The following NBAS variants were observed in gnomAD, a reference collection of about 807,000 sequenced individuals.
NBAS encodes the protein NAG/BC035112 fusion.
A neutral mutation model predicts 302.5 loss-of-function variants in NBAS; 219 were observed. The ratio of observed to expected loss-of-function variants is 0.72; its 90% CI spans 0.65 to 0.81. The LOEUF (loss-of-function observed/expected upper bound fraction) is 0.81, where lower values mean the gene tolerates loss of function less well. Ranked by LOEUF, NBAS falls within the 30% of genes least tolerant of loss-of-function variation. NBAS has a pLI of 0.00. For synonymous variants in NBAS, 1,118 were observed against 1,021.6 expected (o/e 1.09, Z -1.80); for missense variants, 2,932 against 2,841.6 (o/e 1.03, Z -0.72).
chr2:15,254,733 T>C (rs577260745), intron 44 of NBAS, among the ~76,000 whole-genome samples: 1 of 152,324 alleles, frequency 6.6e-6, no homozygotes, highest in Non-Finnish European at 1.5e-5. Flanking sequence ...GTGTATTATG[T>C]CATTCTTATG....
chr2:15,425,093 T>C (rs925740528), intron 22 of NBAS, among the ~76,000 whole-genome samples: 2 of 151,964 alleles, frequency 1.3e-5, no homozygotes, highest in East Asian at 1.9e-4. Flanking sequence ...GCTAACCTCG[T>C]GGGGATTGCT....
At chr2:15,187,202 G>C (rs1665129553) in intron 49 of NBAS, among the ~76,000 whole-genome samples, 1 of 152,076 alleles carries the variant, frequency 6.6e-6, no homozygotes, top group Non-Finnish European at 1.5e-5. Context: ...CTAGTTGTAT[G>C]GTTCTGGGGA....
chr2:15,241,994 A>G (rs1252189854), intron 44 of NBAS, among the ~76,000 whole-genome samples: 1 of 152,052 alleles, frequency 6.6e-6, no homozygotes, highest in Non-Finnish European at 1.5e-5. Context: ...TCTTTTTTGC[A>G]AGGCAAATTC....
At chr2:14,912,100 G>A in the NBAS span, among the ~76,000 whole-genome samples, 2 of 152,082 alleles carry the variant, frequency 1.3e-5, no homozygotes, top group African/African-American at 2.4e-5. Context: ...AATACTGTAG[G>A]CAATTATAAC....
chr2:15,430,476 A>G (rs542618166), intron 21 of NBAS, among the ~76,000 whole-genome samples: 6 of 152,320 alleles, frequency 3.9e-5, no homozygotes, highest in East Asian at 1.9e-4. Flanking sequence ...CTGATCTCCT[A>G]CTATGGACTA....
the NBAS span, among the ~76,000 whole-genome samples, chr2:14,803,639 G>GTTGT: frequency 0.012 from 1,839 of 151,932 alleles, 29 homozygotes; most frequent in African/African-American, 0.036. Context: ...TCTTTTTGTT[G>GTTGT]TTGTTTGTTT....
At chr2:15,335,739 T>C (rs1236071526) in intron 35 of NBAS, among the ~76,000 whole-genome samples, 1 of 152,218 alleles carries the variant, frequency 6.6e-6, no homozygotes. Flanking sequence ...CCTTATTAGA[T>C]ACATGAATTG....
At chr2:15,025,247 C>A in the NBAS span, among the ~76,000 whole-genome samples, 9 of 152,066 alleles carry the variant, frequency 5.9e-5, no homozygotes, top group African/African-American at 1.9e-4. Flanking sequence ...CTTGTTTTTG[C>A]CAGCTTTATC....
the NBAS span, among the ~76,000 whole-genome samples, chr2:15,059,974 A>C: frequency 5.4e-3 from 239 of 44,260 alleles, 4 homozygotes; most frequent in African/African-American, 0.064. Flanking sequence ...CAAAAAAAAA[A>C]ACAAAAAAAA....
chr2:14,984,565 AG>A, the NBAS span, among the ~76,000 whole-genome samples: 1 of 152,230 alleles, frequency 6.6e-6, no homozygotes, highest in African/African-American at 2.4e-5. Flanking sequence ...TTAGAGGTAT[AG>A]AATGCATCTC....
the NBAS span, among the ~76,000 whole-genome samples, chr2:15,104,421 T>C: frequency 6.6e-6 from 1 of 152,166 alleles, no homozygotes; most frequent in Non-Finnish European, 1.5e-5. Context: ...AGCACTCTTC[T>C]AGGCTCTGGA....
chr2:15,555,479 G>A (rs1381522920), intron 3 of NBAS, among the ~76,000 whole-genome samples: 2 of 151,994 alleles, frequency 1.3e-5, no homozygotes, highest in South Asian at 2.1e-4. Context: ...AACAAAAAGA[G>A]CTAGCTGATA....
chr2:15,203,193 T>G (rs548031488), intron 48 of NBAS, among the ~76,000 whole-genome samples: 73 of 152,258 alleles, frequency 4.8e-4, no homozygotes, highest in African/African-American at 1.6e-3. Flanking sequence ...ACTGAGCATC[T>G]ATGGTAGCTA....
At chr2:15,432,321 TTACAAAATAA>T (rs1176714529) in intron 21 of NBAS, among the ~76,000 whole-genome samples, 21 of 152,218 alleles carry the variant, frequency 1.4e-4, no homozygotes, top group African/African-American at 4.8e-4. Context: ...AATTATCTCT[TTACAAAATAA>T]TGGCTGCTTT....
At chr2:14,851,003 C>T in the NBAS span, among the ~76,000 whole-genome samples, 1 of 128,408 alleles carries the variant, frequency 7.8e-6, no homozygotes, top group Non-Finnish European at 1.6e-5. Flanking sequence ...GACACCCTAA[C>T]ATCACAATTA....
chr2:15,305,449 GTTTTTTTTT>G (rs35136896), intron 40 of NBAS, among the ~76,000 whole-genome samples: 111 of 123,776 alleles, frequency 9.0e-4, no homozygotes, highest in Admixed American at 1.8e-3. Context: ...GTCTCGAGCA[GTTTTTTTTT>G]TTTTTTTTTT....
At chr2:15,027,528 T>C in the NBAS span, among the ~76,000 whole-genome samples, 1 of 152,070 alleles carries the variant, frequency 6.6e-6, no homozygotes, top group Admixed American at 6.6e-5. Context: ...TATAGTAGCT[T>C]TACTAGAATC....
At chr2:15,144,582 G>C in the NBAS span, among the ~76,000 whole-genome samples, 1 of 152,306 alleles carries the variant, frequency 6.6e-6, no homozygotes, top group East Asian at 1.9e-4. Flanking sequence ...ATCCAAGGCA[G>C]AGGTACTTCT....
the NBAS span, among the ~76,000 whole-genome samples, chr2:14,784,915 G>A: frequency 4.6e-5 from 7 of 152,158 alleles, no homozygotes; most frequent in African/African-American, 1.7e-4. Context: ...TGGGCAGTAA[G>A]GCAATTTTCA....
Sources: gnomAD v4.1 joint callset for allele counts (sites outside exome capture counted in the v4.1 genomes callset) on GRCh38, gnomAD v4.1.1 for gene constraint, MANE v1.5 for transcripts, NCBI Gene and HGNC (gene_info 2026-07-23, HGNC 2026-07-21) for gene names.